Variants in PCDHGB6 observed in about 807,000 individuals in gnomAD.
PCDHGB6 encodes protocadherin gamma-B6.
Under a neutral mutation model 59.1 loss-of-function variants are expected in PCDHGB6, and 51 were observed. The observed-to-expected ratio is 0.86, with a 90% confidence interval of 0.69 to 1.09. The LOEUF (loss-of-function observed/expected upper bound fraction) is 1.09. Among genes scored for constraint, PCDHGB6 ranks in the 50% least tolerant of loss-of-function variants. PCDHGB6 has a pLI of 0.00. For synonymous variants in PCDHGB6, 466 were observed against 495.1 expected (o/e 0.94, Z 0.78); for missense variants, 1,148 against 1,205.1 (o/e 0.95, Z 0.70).
chr5:141,435,629 A>G (rs2097772414), intron 1 of PCDHGB6, among the ~76,000 whole-genome samples: 1 of 152,162 alleles, frequency 6.6e-6, no homozygotes, highest in Admixed American at 6.5e-5. Flanking sequence ...TAACTTTTAC[A>G]ACTATGGGAA....
At chr5:141,421,974 C>T in intron 1 of PCDHGB6, 3 of 1,609,644 alleles carry the variant, frequency 1.9e-6, no homozygotes, top group African/African-American at 1.3e-5. Flanking sequence ...CCGTATATCG[C>T]GTGAGTGTTC....
intron 2 of PCDHGB6, among the ~76,000 whole-genome samples, chr5:141,505,180 A>G (rs1435197883): frequency 6.6e-6 from 1 of 152,200 alleles, no homozygotes; most frequent in Non-Finnish European, 1.5e-5. Context: ...AGAAAAAAGC[A>G]TCGGAGGCAG....
At chr5:141,502,400 C>T (rs964923206) in intron 2 of PCDHGB6, among the ~76,000 whole-genome samples, 2 of 151,748 alleles carry the variant, frequency 1.3e-5, no homozygotes, top group African/African-American at 4.8e-5. Flanking sequence ...AAAATGTCCC[C>T]GAACCTGGAT....
chr5:141,431,799 T>A lies in PCDHGB6; in HGVS notation c.2418+21179T>A. 6.2e-7 allele frequency: 1 copy of A among 1,614,228 alleles called. No homozygotes were observed. The highest frequency in any genetic ancestry group is 8.5e-7 in the Non-Finnish European group (1 of 1,180,036). On this transcript the variant is annotated intron_variant, in intron 1 of 3. Transcript: ENST00000520790. This position sits in a 1 kb window ranked among gnomAD's most constrained non-coding sequence, Gnocchi z 4.8. ...GACGTGAACGACAATGCCCCAGAAG[T>A]GGTCCTCACCTCTCTCGCCAGCTCG...
At chr5:141,421,081 A>G (rs775366249) in intron 1 of PCDHGB6, 61 of 637,820 alleles carry the variant, frequency 9.6e-5, no homozygotes, top group Non-Finnish European at 1.4e-4. Flanking sequence ...ATGGATACTC[A>G]CAGATCCTGA....
Position 141,476,301 on chromosome 5 carries a change from C to T in PCDHGB6, c.2419-18506C>T. On this transcript the variant is annotated intron_variant, in intron 1 of 3. Transcript: ENST00000520790. The surrounding 1 kb of genome is among the most constrained non-coding windows in gnomAD (Gnocchi z 7.6). ...CTTGGTTTGGATCTCGGTAGCCTCT[C>T]AGCCCGCAGGTTCCGGGTGGTGTCT... is the stretch of plus-strand genomic sequence containing the variant. The T allele has an allele frequency of 1.9e-6, 3 of 1,613,778 alleles. No homozygotes were observed. The highest frequency in any genetic ancestry group is 2.5e-6 in the Non-Finnish European group (3 of 1,179,908).
chr5:141,408,673 C>T lies in PCDHGB6; in HGVS notation c.471C>T (p.Ala157=), dbSNP rs1397679515. The change falls in exon 1 of 4, where the codon GCC becomes GCT. Residue 157 remains alanine, a synonymous_variant. Transcript: ENST00000520790. ...SAGTRLSLDP[A]TDPDININSI... is the part of the protein sequence containing the mutation. ...GTACACGACTATCGCTTGACCCTGC[C>T]ACGGATCCTGATATAAACATAAACT... 3 of 1,613,854 alleles carry T rather than the reference C, an allele frequency of 1.9e-6. No homozygotes were observed. The highest frequency in any genetic ancestry group is 2.5e-6 in the Non-Finnish European group (3 of 1,179,886).
chr5:141,431,325 G>A lies in PCDHGB6; in HGVS notation c.2418+20705G>A. On this transcript the variant is annotated intron_variant, in intron 1 of 3. Transcript: ENST00000520790. The surrounding 1 kb of genome is among the most constrained non-coding windows in gnomAD (Gnocchi z 4.8). ...ATCGTGCAAAATGGAGCCGACGGTA[G>A]TAAGTACCCCGAATTGGTGCTGAAA... is the stretch of plus-strand genomic sequence containing the variant. 6.2e-7 allele frequency: 1 copy of A among 1,614,144 alleles called. No homozygotes were observed. The highest frequency in any genetic ancestry group is 8.5e-7 in the Non-Finnish European group (1 of 1,180,052).
At position 141,486,209 on chromosome 5, in the gene PCDHGB6, A is replaced by C. The variant is rs749965379; in HGVS notation, c.2419-8598A>C. On this transcript the variant is annotated intron_variant, in intron 1 of 3. Transcript: ENST00000520790. The surrounding 1 kb of genome is among the most constrained non-coding windows in gnomAD (Gnocchi z 5.0). ...AGTGGATCTGCTGGACGTAAATGAC[A>C]ATGCCCCTTACATCACAGTGACCTC... 1 of 1,614,080 alleles carries C rather than the reference A, an allele frequency of 6.2e-7. No homozygotes were observed. Among genetic ancestry groups the C allele is most frequent in the South Asian group, 1.1e-5 (1 of 91,078 alleles).
Position 141,443,253 on chromosome 5 carries a change from G to A in PCDHGB6, c.2418+32633G>A, listed in dbSNP as rs192939862. 1.8e-4 allele frequency among the ~76,000 whole-genome samples: 28 copies of A among 152,214 alleles called. No individual in the cohort carries two copies. The Middle Eastern group carries it at 0.014, about 74-fold the overall frequency. On this transcript the variant is annotated intron_variant, in intron 1 of 3. Transcript: ENST00000520790. Reference sequence around the variant, plus strand: ...CTTAGCACTTTGGGGCGCCAAGGCGGGTGGATCACTTGAGCCCAGGAGTTT... The same window carrying A: ...CTTAGCACTTTGGGGCGCCAAGGCGAGTGGATCACTTGAGCCCAGGAGTTT...
chr5:141,493,935 C>T lies in PCDHGB6; in HGVS notation c.2419-872C>T, dbSNP rs1317863228. Among the ~76,000 whole-genome samples the T allele has an allele frequency of 6.6e-6, 1 of 152,158 alleles. No homozygotes were observed. Among genetic ancestry groups the T allele is most frequent in the Non-Finnish European group, 1.5e-5 (1 of 68,020 alleles). On this transcript the variant is annotated intron_variant, in intron 1 of 3. Coordinates refer to ENST00000520790, the MANE Select transcript of PCDHGB6 (RefSeq NM_018926.3). This position sits in a 1 kb window ranked among gnomAD's most constrained non-coding sequence, Gnocchi z 4.3. Reference sequence around the variant, plus strand: ...TGGGATAACACACCCCCTGGAAAGACCAGAAGGGACTCAGGAATGAAGTGG... The same window carrying T: ...TGGGATAACACACCCCCTGGAAAGATCAGAAGGGACTCAGGAATGAAGTGG...
Position 141,487,266 on chromosome 5 carries a change from T to A in PCDHGB6, c.2419-7541T>A. The stretch of plus-strand genomic sequence containing the variant: ...ACCCTCTACTTGGCTGTGTCCCTAG[T>A]GGCAATTTGCTTTGTCTCCTTTGGC... On this transcript the variant is annotated intron_variant, in intron 1 of 3. Transcript: ENST00000520790. This position sits in a 1 kb window ranked among gnomAD's most constrained non-coding sequence, Gnocchi z 5.0. The A allele has an allele frequency of 1.2e-6, 2 of 1,614,172 alleles. No homozygotes were observed. Among genetic ancestry groups the A allele is most frequent in the Non-Finnish European group, 8.5e-7 (1 of 1,180,036 alleles).
intron 1 of PCDHGB6, among the ~76,000 whole-genome samples, chr5:141,448,378 A>G (rs1288817591): frequency 6.6e-6 from 1 of 152,154 alleles, no homozygotes; most frequent in East Asian, 1.9e-4. Context: ...ATTTTTGAAT[A>G]GGAAATACAT....
At position 141,489,180 on chromosome 5, in the gene PCDHGB6, C is replaced by G. The variant is rs942218118; in HGVS notation, c.2419-5627C>G. On this transcript the variant is annotated intron_variant, in intron 1 of 3. Transcript: ENST00000520790. This position sits in a 1 kb window ranked among gnomAD's most constrained non-coding sequence, Gnocchi z 4.5. ...GACTTCAGCTGCTGCATTCCAAGCC[C>G]TGGGTCTACCTTGGAGACAGGACAG... The G allele has an allele frequency of 1.8e-5, 23 of 1,259,630 alleles. No homozygotes were observed. In the South Asian group the frequency reaches 3.0e-4, roughly 17 times the overall value. The allele number at this position is 1,259,630 out of a possible 1,614,324, so 78.0% of individuals were successfully genotyped here.
At chr5:141,453,083 A>G (rs1404530649) in intron 1 of PCDHGB6, among the ~76,000 whole-genome samples, 1 of 152,044 alleles carries the variant, frequency 6.6e-6, no homozygotes, top group African/African-American at 2.4e-5. Flanking sequence ...CTGGTTGATT[A>G]GTATATTTTC....
At chr5:141,451,484 G>A (rs2098717067) in intron 1 of PCDHGB6, among the ~76,000 whole-genome samples, 1 of 152,194 alleles carries the variant, frequency 6.6e-6, no homozygotes, top group Admixed American at 6.5e-5. Flanking sequence ...CTTGCCATGT[G>A]GACCTCCATA....
At chr5:141,426,022 T>A (rs1174153557) in intron 1 of PCDHGB6, among the ~76,000 whole-genome samples, 3 of 152,204 alleles carry the variant, frequency 2.0e-5, no homozygotes, top group Admixed American at 2.0e-4. Flanking sequence ...GTTTTCTAAA[T>A]AGACTCAGAG....
At chr5:141,488,687 GA>G (rs1238909682) in intron 1 of PCDHGB6, among the ~76,000 whole-genome samples, 1 of 152,192 alleles carries the variant, frequency 6.6e-6, no homozygotes, top group East Asian at 1.9e-4. Flanking sequence ...GCCTCTCCCA[GA>G]AGGACAAGAT....
At chr5:141,413,407 CT>C (rs758693256) in intron 1 of PCDHGB6, 3 of 1,613,926 alleles carry the variant, frequency 1.9e-6, no homozygotes, top group Non-Finnish European at 2.5e-6. Flanking sequence ...TAGGACGCAG[CT>C]TTTCTCTCTG....
Sources: allele counts gnomAD v4.1 joint callset (sites outside exome capture counted in the v4.1 genomes callset), GRCh38; gene constraint gnomAD v4.1.1; non-coding constraint Gnocchi (gnomAD v3.1); transcripts MANE v1.5; gene names NCBI Gene and HGNC (gene_info 2026-07-23, HGNC 2026-07-21).